Variants in CNTN5 observed in about 807,000 individuals in gnomAD.
The protein encoded by CNTN5 is contactin 5.
CNTN5 carries 77 observed loss-of-function variants against 129.1 expected under a neutral mutation model. The ratio of observed to expected loss-of-function variants is 0.60; its 90% CI spans 0.50 to 0.72. CNTN5 has a LOEUF of 0.72. Ranked by LOEUF, CNTN5 falls within the 30% of genes least tolerant of loss-of-function variation. The pLI is 0.00. For missense variants in CNTN5, 1,478 were observed against 1,328.8 expected, an observed-to-expected ratio of 1.11 and a Z score of -1.75; for synonymous variants, 509 against 465.6, an observed-to-expected ratio of 1.09 and a Z score of -1.20.
chr11:99,295,674 A>G (rs1029641188), intron 1 of CNTN5, among the ~76,000 whole-genome samples: 11 of 151,994 alleles, frequency 7.2e-5, no homozygotes, highest in African/African-American at 2.7e-4. Context: ...CAGGAGATCG[A>G]GACCATCCTG....
chr11:99,805,550 C>T lies in CNTN5; in HGVS notation c.56-13994C>T, dbSNP rs115805765. Reference sequence around the variant, plus strand: ...TGTAGACACAGCCTTGCAATCACTACTCATTAGGGTATTGGAACTATAGCT... The same window carrying T: ...TGTAGACACAGCCTTGCAATCACTATTCATTAGGGTATTGGAACTATAGCT... On this transcript the variant is annotated intron_variant, in intron 3 of 24. Coordinates refer to ENST00000524871, the MANE Select transcript of CNTN5 (RefSeq NM_014361.4). Among the ~76,000 whole-genome samples the T allele has an allele frequency of 2.0e-3, 304 of 152,258 alleles. 3 individuals are homozygous for T. Among genetic ancestry groups the T allele is most frequent in the African/African-American group, 6.8e-3 (281 of 41,550 alleles).
intron 3 of CNTN5, among the ~76,000 whole-genome samples, chr11:99,576,979 G>A (rs1213843372): frequency 6.6e-6 from 1 of 152,088 alleles, no homozygotes; most frequent in African/African-American, 2.4e-5. Flanking sequence ...TTTGGACTGA[G>A]TAATCAAATT....
chr11:99,816,378 C>T (rs544599972), intron 3 of CNTN5, among the ~76,000 whole-genome samples: 1 of 152,244 alleles, frequency 6.6e-6, no homozygotes, highest in South Asian at 2.1e-4. Flanking sequence ...CCTGCGTCTT[C>T]CTTACGTCTG....
At chr11:100,150,855 G>A (rs1427839794) in intron 13 of CNTN5, among the ~76,000 whole-genome samples, 1 of 152,090 alleles carries the variant, frequency 6.6e-6, no homozygotes, top group African/African-American at 2.4e-5. Flanking sequence ...TAATGTGATG[G>A]TATTTGGAAG....
At chr11:100,014,324 A>G (rs916005800) in intron 9 of CNTN5, among the ~76,000 whole-genome samples, 1 of 152,048 alleles carries the variant, frequency 6.6e-6, no homozygotes, top group Non-Finnish European at 1.5e-5. Flanking sequence ...TTCCATCCCA[A>G]TCTGCCAGAC....
At chr11:99,859,185 C>G (rs1948132157) in intron 6 of CNTN5, among the ~76,000 whole-genome samples, 1 of 152,124 alleles carries the variant, frequency 6.6e-6, no homozygotes, top group Non-Finnish European at 1.5e-5. Flanking sequence ...TGAGATTATG[C>G]TTAGTATTCT....
At chr11:99,598,559 G>A (rs1193859853) in intron 3 of CNTN5, among the ~76,000 whole-genome samples, 1 of 150,896 alleles carries the variant, frequency 6.6e-6, no homozygotes, top group Non-Finnish European at 1.5e-5. Flanking sequence ...TATCTTAAGG[G>A]AGATTTTTGA....
At chr11:99,329,760 A>T (rs1349994030) in intron 2 of CNTN5, among the ~76,000 whole-genome samples, 2 of 152,176 alleles carry the variant, frequency 1.3e-5, no homozygotes, top group Admixed American at 1.3e-4. Flanking sequence ...TCTGTGCTGT[A>T]ATATTTGCTG....
intron 1 of CNTN5, among the ~76,000 whole-genome samples, chr11:99,032,979 T>C (rs1293446613): frequency 7.5e-6 from 1 of 133,410 alleles, no homozygotes; most frequent in Non-Finnish European, 1.5e-5. Flanking sequence ...TTCAGCTTTC[T>C]GCATATGGCT....
At chr11:100,092,086 G>A (rs1002274475) in intron 13 of CNTN5, among the ~76,000 whole-genome samples, 9 of 149,214 alleles carry the variant, frequency 6.0e-5, no homozygotes, top group African/African-American at 2.1e-4. Context: ...CAGATAAAGA[G>A]TAATTACTTT....
intron 1 of CNTN5, among the ~76,000 whole-genome samples, chr11:99,031,819 G>A (rs1222706229): frequency 6.6e-6 from 1 of 151,180 alleles, no homozygotes; most frequent in African/African-American, 2.4e-5. Flanking sequence ...ACAATGTGCA[G>A]GTTAGTTACA....
chr11:99,627,951 C>A (rs1951190059), intron 3 of CNTN5, among the ~76,000 whole-genome samples: 1 of 149,402 alleles, frequency 6.7e-6, no homozygotes, highest in Non-Finnish European at 1.5e-5. Flanking sequence ...ATCAGGGAAG[C>A]ACATTCAGCT....
At chr11:99,968,572 C>T (rs1951157915) in intron 8 of CNTN5, among the ~76,000 whole-genome samples, 1 of 142,960 alleles carries the variant, frequency 7.0e-6, no homozygotes. Flanking sequence ...TGGTACTCAA[C>T]AATGGAATGT....
intron 3 of CNTN5, among the ~76,000 whole-genome samples, chr11:99,599,610 A>T (rs1360713472): frequency 6.6e-6 from 1 of 152,178 alleles, no homozygotes; most frequent in African/African-American, 2.4e-5. Context: ...AAAACATTTT[A>T]TCACATATTA....
intron 3 of CNTN5, among the ~76,000 whole-genome samples, chr11:99,706,072 G>A (rs1174443699): frequency 6.6e-6 from 1 of 151,302 alleles, no homozygotes; most frequent in Non-Finnish European, 1.5e-5. Context: ...TTGGCTTATG[G>A]GGATTAACAT....
chr11:99,193,901 A>G (rs541250508), intron 1 of CNTN5, among the ~76,000 whole-genome samples: 3 of 152,340 alleles, frequency 2.0e-5, no homozygotes, highest in African/African-American at 4.8e-5. Context: ...AAACAAAAGC[A>G]TTCATATTCA....
chr11:99,639,061 A>G (rs1591402192), intron 3 of CNTN5, among the ~76,000 whole-genome samples: 1 of 152,186 alleles, frequency 6.6e-6, no homozygotes, highest in African/African-American at 2.4e-5. Context: ...AAGAGTTTCC[A>G]TATATCTTCT....
intron 1 of CNTN5, among the ~76,000 whole-genome samples, chr11:99,154,300 T>C (rs1032365796): frequency 4.6e-5 from 7 of 152,242 alleles, no homozygotes; most frequent in African/African-American, 1.4e-4. Context: ...CATGGCACGG[T>C]TGAGACACAG....
intron 3 of CNTN5, among the ~76,000 whole-genome samples, chr11:99,643,215 T>C (rs1951833433): frequency 7.5e-6 from 1 of 133,016 alleles, no homozygotes; most frequent in African/African-American, 2.6e-5. Context: ...AATGGGGAAC[T>C]AGAAAAGTCT....
Sources: allele counts gnomAD v4.1 joint callset (sites outside exome capture counted in the v4.1 genomes callset), GRCh38; gene constraint gnomAD v4.1.1; transcripts MANE v1.5; gene names NCBI Gene and HGNC (gene_info 2026-07-23, HGNC 2026-07-21).